Variants in PCDHGB1 observed in about 807,000 individuals in gnomAD.
PCDHGB1 encodes protocadherin gamma-B1.
A neutral mutation model predicts 56.6 loss-of-function variants in PCDHGB1; 34 were observed. The observed-to-expected ratio is 0.60, with a 90% confidence interval of 0.46 to 0.80. The LOEUF (loss-of-function observed/expected upper bound fraction) is 0.80, where lower values mean the gene tolerates loss of function less well. Among genes scored for constraint, PCDHGB1 ranks in the 30% least tolerant of loss-of-function variants. PCDHGB1 has a pLI of 0.00. For missense variants in PCDHGB1, 1,278 were observed against 1,204.6 expected, an observed-to-expected ratio of 1.06 and a Z score of -0.90; for synonymous variants, 561 against 505.9, an observed-to-expected ratio of 1.11 and a Z score of -1.46.
chr5:141,382,777 C>T (rs1778426057), intron 1 of PCDHGB1: 3 of 822,272 alleles, frequency 3.6e-6, no homozygotes, highest in South Asian at 2.0e-5. Flanking sequence ...CTGCACTAAA[C>T]TCAAGCCTCT....
At position 141,405,002 on chromosome 5, in the gene PCDHGB1, C is replaced by T. The variant is rs2154535993; in HGVS notation, c.2409+52333C>T. ...GGGCAGTCTTCAGATCCCTGCAGAC[C>T]TGGAGGCCTCAGACCTTACCCTCTA... is the stretch of plus-strand genomic sequence containing the variant. On this transcript the variant is annotated intron_variant, in intron 1 of 3. Transcript: ENST00000523390. The T allele has an allele frequency of 1.9e-6, 3 of 1,613,870 alleles. No homozygotes were observed. In the East Asian group the frequency reaches 6.7e-5, roughly 36 times the overall value.
intron 1 of PCDHGB1, chr5:141,419,836 G>A (rs756561978): frequency 1.9e-6 from 3 of 1,613,958 alleles, no homozygotes. Context: ...CCACTGCCAC[G>A]CTGCACCTGG....
intron 1 of PCDHGB1, among the ~76,000 whole-genome samples, chr5:141,438,263 A>G (rs2097944986): frequency 6.6e-6 from 1 of 152,144 alleles, no homozygotes; most frequent in South Asian, 2.1e-4. Flanking sequence ...AAGAGACCAT[A>G]GAATCAAACA....
chr5:141,437,648 A>G (rs1291089695), intron 1 of PCDHGB1, among the ~76,000 whole-genome samples: 2 of 152,204 alleles, frequency 1.3e-5, no homozygotes, highest in African/African-American at 4.8e-5. Context: ...AGAAAAGCAA[A>G]CACATAGTTT....
chr5:141,400,352 G>A (rs1214813312), intron 1 of PCDHGB1: 2 of 1,614,044 alleles, frequency 1.2e-6, no homozygotes, highest in Non-Finnish European at 1.7e-6. Flanking sequence ...TACAGTCAGG[G>A]GACTTTGCCT....
At chr5:141,463,176 C>T (rs989201395) in intron 1 of PCDHGB1, among the ~76,000 whole-genome samples, 2 of 152,100 alleles carry the variant, frequency 1.3e-5, no homozygotes, top group African/African-American at 4.8e-5. Context: ...TATGTATGCT[C>T]AGATTATTAT....
chr5:141,400,621 A>G (rs1361532935), intron 1 of PCDHGB1: 1 of 1,521,426 alleles, frequency 6.6e-7, no homozygotes, highest in Non-Finnish European at 9.0e-7. Flanking sequence ...GAGTTGTCTT[A>G]GGGAAGTCAG....
In PCDHGB1 at chr5:141,404,353, A is replaced by G. The variant is rs778714799; in HGVS notation, c.2409+51684A>G. ...TCTACCTCCCGGAAAACAACGCCAGAGGTACTTCCATCTTCTCCGTGATTG... is the reference window on the plus strand; with the variant it reads ...TCTACCTCCCGGAAAACAACGCCAGGGGTACTTCCATCTTCTCCGTGATTG... On this transcript the variant is annotated intron_variant, in intron 1 of 3. Coordinates refer to ENST00000523390, the MANE Select transcript of PCDHGB1 (RefSeq NM_018922.3). 2.0e-5 allele frequency: 33 copies of G among 1,613,948 alleles called. No individual in the cohort carries two copies. In the Admixed American group the frequency reaches 5.5e-4, roughly 27 times the overall value.
intron 1 of PCDHGB1, chr5:141,408,288 T>C (rs755091342): frequency 6.2e-7 from 1 of 1,613,234 alleles, no homozygotes; most frequent in Non-Finnish European, 8.5e-7. Context: ...TACCCCACCC[T>C]GAGTGAGCCG....
intron 1 of PCDHGB1, chr5:141,365,447 G>T (rs931548015): frequency 6.2e-7 from 1 of 1,614,034 alleles, no homozygotes; most frequent in Middle Eastern, 1.6e-4. Context: ...TAGCGTACAT[G>T]ATGGTGATTC....
At chr5:141,457,524 G>A (rs1427291573) in intron 1 of PCDHGB1, among the ~76,000 whole-genome samples, 1 of 152,188 alleles carries the variant, frequency 6.6e-6, no homozygotes, top group African/African-American at 2.4e-5. Context: ...CAATTAATGA[G>A]ACTAGGGTTT....
At position 141,419,527 on chromosome 5, in the gene PCDHGB1, C is replaced by G. The variant is rs755936657; in HGVS notation, c.2409+66858C>G. ...TGCGCGTGTTGGTGGGCGACCGTAA[C>G]GACAACGCACCGCGGGTGCTGTACC... is the stretch of plus-strand genomic sequence containing the variant. On this transcript the variant is annotated intron_variant, in intron 1 of 3. Transcript: ENST00000523390. The G allele has an allele frequency of 6.8e-5, 110 of 1,612,064 alleles. 2 individuals carry two copies. In the South Asian group the frequency reaches 9.6e-4, roughly 14 times the overall value.
At chr5:141,352,860 C>T (rs1463633504) in intron 1 of PCDHGB1, among the ~76,000 whole-genome samples, 191 bp downstream of exon 1, 2 of 152,054 alleles carry the variant, frequency 1.3e-5, no homozygotes, top group African/African-American at 2.4e-5. Context: ...TGGTGGCACG[C>T]GCCTGTAGTC....
chr5:141,480,457 G>GT (rs1309116577), intron 1 of PCDHGB1, among the ~76,000 whole-genome samples: 4 of 152,060 alleles, frequency 2.6e-5, no homozygotes, highest in Non-Finnish European at 5.9e-5. Flanking sequence ...ATTTTTATTA[G>GT]TTCCTCACTC....
chr5:141,403,762 T>A (rs1217388200), intron 1 of PCDHGB1: 1 of 1,613,736 alleles, frequency 6.2e-7, no homozygotes, highest in Non-Finnish European at 8.5e-7. Flanking sequence ...GCGACCTGGA[T>A]GAGGGAATCA....
At chr5:141,369,788 C>G (rs187476843) in intron 1 of PCDHGB1, among the ~76,000 whole-genome samples, 1 of 152,338 alleles carries the variant, frequency 6.6e-6, no homozygotes, top group East Asian at 1.9e-4. Context: ...CCTCTTTATA[C>G]TACGTCTTCT....
chr5:141,394,802 C>A, intron 1 of PCDHGB1: 1 of 1,613,810 alleles, frequency 6.2e-7, no homozygotes, highest in East Asian at 2.2e-5. Context: ...TCACCGTAGC[C>A]GTGGCTGACA....
intron 1 of PCDHGB1, chr5:141,370,799 A>G: frequency 6.2e-7 from 1 of 1,614,032 alleles, no homozygotes; most frequent in Non-Finnish European, 8.5e-7. Context: ...CCTTTAGCCA[A>G]AATATCACTG....
chr5:141,355,938 G>C (rs556759092), intron 1 of PCDHGB1: 1 of 1,613,878 alleles, frequency 6.2e-7, no homozygotes, highest in South Asian at 1.1e-5. Flanking sequence ...CTCAGCCCGA[G>C]TACCACGTAA....
Sources: gnomAD v4.1 joint callset for allele counts (sites outside exome capture counted in the v4.1 genomes callset) on GRCh38, gnomAD v4.1.1 for gene constraint, MANE v1.5 for transcripts, NCBI Gene and HGNC (gene_info 2026-07-23, HGNC 2026-07-21) for gene names.